Variants in WASHC2A observed in about 807,000 individuals in gnomAD.
WASHC2A encodes WASH complex subunit 2A.
WASHC2A carries 82 observed loss-of-function variants against 140.3 expected under a neutral mutation model. That is an observed-to-expected ratio of 0.58 (90% CI 0.49 to 0.70). The LOEUF (loss-of-function observed/expected upper bound fraction) is 0.70, where lower values mean the gene tolerates loss of function less well. WASHC2A is among the 30% of genes least tolerant of loss of function. The probability of loss-of-function intolerance (pLI) is 0.00; values close to 1 mark genes in which losing one functional copy is unlikely to be tolerated. For missense variants in WASHC2A, 985 were observed against 1,521.8 expected (o/e 0.65, Z 5.87); for synonymous variants, 340 against 560.8 (o/e 0.61, Z 5.56).
At chr10:50,121,605 G>A (rs1477378146) in intron 23 of WASHC2A, among the ~76,000 whole-genome samples, 4 of 149,758 alleles carry the variant, frequency 2.7e-5, no homozygotes, top group East Asian at 1.9e-4. Context: ...TGTTGGCCAC[G>A]CTGACCTTGA....
chr10:50,132,816 C>T lies in WASHC2A; in HGVS notation c.3897C>T (p.Phe1299=). ...SIFDDDMDDI[F]SSGIQAKTTK... is the part of the protein sequence containing the mutation. ...TTTTTCTTTCTAAAGATGACATCTT[C>T]TCCTCTGGTATCCAGGCTAAGACAA... The change falls in exon 31 of 31, where the codon TTC becomes TTT. Residue 1299 remains phenylalanine, a synonymous_variant. Transcript: ENST00000282633. 6.2e-7 allele frequency: 1 copy of T among 1,611,946 alleles called. No individual in the cohort carries two copies. The highest frequency in any genetic ancestry group is 1.1e-5 in the South Asian group (1 of 90,922).
In WASHC2A at chr10:50,125,463, G is replaced by T; in HGVS notation, c.2688+14G>T. ...TCCCAGCCTTTGGTACCAGCCTTTT[G>T]TTCTCAATACTGGGTTGTGTGGGAA... On this transcript the variant is annotated intron_variant, in intron 25 of 30. Coordinates refer to ENST00000282633, the MANE Select transcript of WASHC2A (RefSeq NM_001005751.3). The T allele has an allele frequency of 4.4e-6, 7 of 1,596,362 alleles. No individual in the cohort carries two copies. The highest frequency in any genetic ancestry group is 6.0e-6 in the Non-Finnish European group (7 of 1,175,482).
Position 50,095,525 on chromosome 10 carries a change from G to A in WASHC2A, c.1241-74G>A, listed in dbSNP as rs2132621489. On this transcript the variant is annotated intron_variant, in intron 14 of 30. Transcript: ENST00000282633. ...CTGAAATGGAAAGTTTTTGGTGGGT[G>A]ATAATTTTTTTCTGTAAATTCAACC... is the stretch of plus-strand genomic sequence containing the variant. The A allele has an allele frequency of 5.7e-6, 9 of 1,565,392 alleles. No homozygotes were observed. The South Asian group carries it at 1.1e-4, about 18-fold the overall frequency.
At chr10:50,068,318 G>T (rs1554874988) in intron 2 of WASHC2A, 91 bp downstream of exon 2, 8 of 1,327,298 alleles carry the variant, frequency 6.0e-6, no homozygotes, top group Admixed American at 5.3e-5. Flanking sequence ...CCTGCACCTG[G>T]CCCGTCCCGT....
Position 50,115,442 on chromosome 10 carries a change from T to C in WASHC2A, c.2142+1445T>C, listed in dbSNP as rs546261371. On this transcript the variant is annotated intron_variant, in intron 21 of 30. Coordinates refer to ENST00000282633, the MANE Select transcript of WASHC2A (RefSeq NM_001005751.3). ...ACACAGCATTTATACATTTCTGTTATATAGAAAATGGGAAAAGGGGGCAGT... is the reference window on the plus strand; with the variant it reads ...ACACAGCATTTATACATTTCTGTTACATAGAAAATGGGAAAAGGGGGCAGT... 1.2e-3 allele frequency among the ~76,000 whole-genome samples: 144 copies of C among 120,392 alleles called. 17 individuals are homozygous for C. In the Middle Eastern group the frequency reaches 0.017, roughly 14 times the overall value. The allele number at this position is 120,392 out of a possible 152,430, so 79.0% of individuals were successfully genotyped here. A position where few individuals can be genotyped will look rare whatever the true frequency, so the allele number is the denominator to read the frequency against.
chr10:50,100,334 T>C (rs1840991738), intron 17 of WASHC2A, among the ~76,000 whole-genome samples: 2 of 150,966 alleles, frequency 1.3e-5, no homozygotes, highest in African/African-American at 2.4e-5. Flanking sequence ...AGACAAAAAT[T>C]AGCTGGGTAT....
At chr10:50,132,649 CAG>C (rs1454856077) in intron 30 of WASHC2A, among the ~76,000 whole-genome samples, 155 bp from the exon 31 acceptor site, 1 of 152,206 alleles carries the variant, frequency 6.6e-6, no homozygotes, top group Non-Finnish European at 1.5e-5. Context: ...GTAACAAACA[CAG>C]AACCAGAATC....
At chr10:50,069,512 C>T (rs1554875410) in intron 2 of WASHC2A, 35 bp from the exon 3 acceptor site, 18 of 1,592,934 alleles carry the variant, frequency 1.1e-5, no homozygotes, top group Non-Finnish European at 1.5e-5. Context: ...TTACATGTAA[C>T]ATTGATACTA....
At chr10:50,114,082 C>T (rs2132926157) in intron 21 of WASHC2A, 85 bp downstream of exon 21, 1 of 299,024 alleles carries the variant, frequency 3.3e-6, no homozygotes, top group South Asian at 5.0e-5. Flanking sequence ...GCTCTTCATA[C>T]CTAACCTTGG....
At chr10:50,110,908 A>G (rs1451743277) in intron 20 of WASHC2A, among the ~76,000 whole-genome samples, 1 of 150,676 alleles carries the variant, frequency 6.6e-6, no homozygotes, top group African/African-American at 2.4e-5. Flanking sequence ...AAAAAAAAAA[A>G]AAAAAAAAGT....
At chr10:50,091,324 C>T (rs1303185946) in intron 9 of WASHC2A, 107 bp from the exon 10 acceptor site, 2 of 1,347,492 alleles carry the variant, frequency 1.5e-6, no homozygotes, top group African/African-American at 2.9e-5. Flanking sequence ...CTGTTTTCTC[C>T]TCAGTTCAAT....
At chr10:50,084,405 C>CT (rs1261352626) in intron 6 of WASHC2A, among the ~76,000 whole-genome samples, 78 of 146,976 alleles carry the variant, frequency 5.3e-4, no homozygotes, top group African/African-American at 1.8e-3. Context: ...AAATGTTTCT[C>CT]TGTGTGTTTT....
At chr10:50,075,185 T>A (rs1554877421) in intron 3 of WASHC2A, among the ~76,000 whole-genome samples, 1 of 151,802 alleles carries the variant, frequency 6.6e-6, no homozygotes, top group Non-Finnish European at 1.5e-5. Context: ...TATTTAATAA[T>A]CTTCTAATAT....
Position 50,069,695 on chromosome 10 carries a change from C to G in WASHC2A, c.275C>G (p.Thr92Ser), listed in dbSNP as rs1554875578. The stretch of plus-strand genomic sequence containing the variant: ...AATGACTTCCTTATGCTCTCTAATA[C>G]CCAGTTCATTGAGAATGTGAGTTAT... The part of the protein sequence containing the change: ...VFNDFLMLSN[T>S]QFIENRVYDE... Residue 92 changes from threonine to serine, a missense_variant, in exon 3 of 31, where the codon ACC becomes AGC. Physicochemically the swap from Thr to Ser is moderately conservative, Grantham distance 58. Coordinates refer to ENST00000282633, the MANE Select transcript of WASHC2A (RefSeq NM_001005751.3). 1 of 1,612,936 alleles carries G rather than the reference C, an allele frequency of 6.2e-7. No homozygotes were observed. The highest frequency in any genetic ancestry group is 1.7e-5 in the Admixed American group (1 of 59,800).
intron 27 of WASHC2A, 123 bp from the exon 28 acceptor site, chr10:50,127,460 C>A: frequency 6.2e-7 from 1 of 1,607,930 alleles, no homozygotes; most frequent in Non-Finnish European, 8.5e-7. Flanking sequence ...GGGCGATTTT[C>A]CTACGTTTCT....
Position 50,129,994 on chromosome 10 carries a change from C to T in WASHC2A, c.3663C>T (p.Ser1221=), listed in dbSNP as rs2133114778. 6.2e-7 allele frequency: 1 copy of T among 1,611,848 alleles called. No homozygotes were observed. The highest frequency in any genetic ancestry group is 8.5e-7 in the Non-Finnish European group (1 of 1,179,818). The change falls in exon 29 of 31, where the codon TCC becomes TCT. Residue 1221 remains serine (S), a synonymous_variant. Coordinates refer to ENST00000282633, the MANE Select transcript of WASHC2A (RefSeq NM_001005751.3). The stretch of plus-strand genomic sequence containing the variant: ...AAGTCAAGAAGAATGAGACAAAATC[C>T]AATAGTCAGCAGGATGTCATATTAA... ...DQKVKKNETK[S]NSQQDVILTT...
Position 50,095,771 on chromosome 10 carries a change from T to C in WASHC2A, c.1413T>C (p.Ser471=), listed in dbSNP as rs1440649726. Reference sequence around the variant, plus strand: ...TCTCGGCACCCCACAGCAAACCTTCTAAAACAGGTATGTGTTCCTGCCTCC... The same window carrying C: ...TCTCGGCACCCCACAGCAAACCTTCCAAAACAGGTATGTGTTCCTGCCTCC... ...DFFSAPHSKP[S]KTGKVQSTAD... Residue 471 remains serine, a synonymous_variant, in exon 15 of 31, where the codon TCT becomes TCC. Coordinates refer to ENST00000282633, the MANE Select transcript of WASHC2A (RefSeq NM_001005751.3). The C allele has an allele frequency of 2.1e-5, 33 of 1,607,778 alleles. 1 individual carries two copies. The Admixed American group carries it at 5.2e-4, about 26-fold the overall frequency.
Position 50,092,190 on chromosome 10 carries a change from G to T in WASHC2A, c.960G>T (p.Arg320=), listed in dbSNP as rs1320844454. 289 of 1,596,646 alleles carry T rather than the reference G, an allele frequency of 1.8e-4. No individual in the cohort carries two copies. In the Middle Eastern group the frequency reaches 1.8e-3, roughly 10 times the overall value. The change falls in exon 11 of 31, where the codon CGG becomes CGT. Residue 320 remains arginine, a synonymous_variant. Transcript: ENST00000282633. ...TTLPSGEAKP[R]KTLKEKKERR... ...TACCCTCAGGAGAAGCAAAACCTCG[G>T]AAGACACTCAAAGAGAAGAAGGAAA...
chr10:50,093,413 C>T lies in WASHC2A; in HGVS notation c.1122+27C>T, dbSNP rs1229922506. The T allele has an allele frequency of 3.1e-6, 4 of 1,270,784 alleles. No individual in the cohort carries two copies. In the African/African-American group the frequency reaches 4.5e-5, roughly 14 times the overall value. 78.7% of individuals were successfully genotyped at this position (1,270,784 alleles called of 1,614,324 possible). On this transcript the variant is annotated intron_variant, in intron 12 of 30. Coordinates refer to ENST00000282633, the MANE Select transcript of WASHC2A (RefSeq NM_001005751.3). ...TGAGTCCATGGCACCCAGCAACACT[C>T]CCTGCAGCTAGCTGTGTCAGGGGTC...
Sources: allele counts gnomAD v4.1 joint callset (sites outside exome capture counted in the v4.1 genomes callset), GRCh38; gene constraint gnomAD v4.1.1; transcripts MANE v1.5; gene names NCBI Gene and HGNC (gene_info 2026-07-23, HGNC 2026-07-21).